The following PARD3 variants were observed in gnomAD, a reference collection of about 807,000 sequenced individuals.
The protein encoded by PARD3 is par-3 family cell polarity regulator.
A neutral mutation model predicts 155.4 loss-of-function variants in PARD3; 75 were observed. The observed-to-expected ratio is 0.48, with a 90% CI of 0.40 to 0.58. PARD3 has a LOEUF of 0.58. PARD3 is among the 20% of genes least tolerant of loss of function. The pLI is 0.00. For missense variants in PARD3, 1,642 were observed against 1,721.7 expected (o/e 0.95, Z 0.82); for synonymous variants, 576 against 610.5 (o/e 0.94, Z 0.83).
At chr10:34,790,250 A>C (rs1217640862) in intron 1 of PARD3, among the ~76,000 whole-genome samples, 1 of 152,252 alleles carries the variant, frequency 6.6e-6, no homozygotes, top group African/African-American at 2.4e-5. Context: ...TTTAAATAAA[A>C]CACGCTCACA....
chr10:34,774,552 G>A (rs980196012), intron 1 of PARD3, among the ~76,000 whole-genome samples: 10 of 152,148 alleles, frequency 6.6e-5, no homozygotes, highest in Admixed American at 3.3e-4. Flanking sequence ...TTATTTTTAA[G>A]CAAACATTGA....
Position 34,317,157 on chromosome 10 carries a change from A to T in PARD3, c.3015T>A (p.Asp1005Glu), listed in dbSNP as rs775817938. The T allele has an allele frequency of 8.8e-6, 14 of 1,591,264 alleles. No individual in the cohort carries two copies. Among genetic ancestry groups the T allele is most frequent in the South Asian group, 8.0e-5 (7 of 87,986 alleles). ...EKKKDRDKEK[D>E]KMKAKKGMLK... Reference sequence around the variant, plus strand: ...GCATTCCCTTCTTGGCTTTCATTTTATCCTTCTCCTTATCTCTATCTTTCT... The same window carrying T: ...GCATTCCCTTCTTGGCTTTCATTTTTTCCTTCTCCTTATCTCTATCTTTCT... Residue 1005 changes from aspartate to glutamate, a missense_variant, in exon 20 of 25, where the codon GAT (aspartate) becomes GAA (glutamate). Asp to Glu is a conservative substitution (Grantham distance 45, BLOSUM62 2). Coordinates refer to ENST00000374788, the MANE Select transcript of PARD3 (RefSeq NM_001184785.2).
intron 21 of PARD3, among the ~76,000 whole-genome samples, chr10:34,273,622 C>G (rs548303245): frequency 5.3e-5 from 8 of 152,304 alleles, no homozygotes; most frequent in African/African-American, 1.7e-4. Context: ...TGCTGTACTA[C>G]AGTTATCTAA....
chr10:34,314,846 T>C (rs1327333137), intron 20 of PARD3, among the ~76,000 whole-genome samples: 1 of 152,232 alleles, frequency 6.6e-6, no homozygotes, highest in Non-Finnish European at 1.5e-5. Context: ...TTTTAGATAA[T>C]GTATTTAATT....
intron 7 of PARD3, among the ~76,000 whole-genome samples, chr10:34,386,630 C>G (rs752841067): frequency 1.3e-5 from 2 of 152,034 alleles, no homozygotes; most frequent in Non-Finnish European, 2.9e-5. Context: ...CAATACCAGA[C>G]TGACCAATAT....
chr10:34,506,690 T>G (rs1403757822), intron 3 of PARD3, among the ~76,000 whole-genome samples: 3 of 152,194 alleles, frequency 2.0e-5, no homozygotes, highest in African/African-American at 7.2e-5. Context: ...ATATTACTTA[T>G]GTCTCTAGGT....
chr10:34,136,150 C>A, intron 22 of PARD3, among the ~76,000 whole-genome samples: 1 of 152,320 alleles, frequency 6.6e-6, no homozygotes, highest in Middle Eastern at 3.4e-3. Context: ...TATTTACTTT[C>A]ATTGCACCAA....
At chr10:34,646,463 A>G (rs1214944241) in intron 2 of PARD3, among the ~76,000 whole-genome samples, 4 of 152,208 alleles carry the variant, frequency 2.6e-5, no homozygotes, top group Non-Finnish European at 5.9e-5. Flanking sequence ...GCAATGCTAT[A>G]AAGTGTTATT....
At chr10:34,640,053 C>G (rs1250786424) in intron 2 of PARD3, among the ~76,000 whole-genome samples, 1 of 152,176 alleles carries the variant, frequency 6.6e-6, no homozygotes, top group Non-Finnish European at 1.5e-5. Context: ...ATATTCAGAA[C>G]AGAAGAAAAT....
chr10:34,644,358 A>T (rs997183582), intron 2 of PARD3, among the ~76,000 whole-genome samples: 1 of 152,198 alleles, frequency 6.6e-6, no homozygotes, highest in African/African-American at 2.4e-5. Context: ...GCTTCATACA[A>T]GCAGCAGCTA....
intron 5 of PARD3, among the ~76,000 whole-genome samples, chr10:34,441,962 G>A (rs1371062412): frequency 6.6e-6 from 1 of 152,046 alleles, no homozygotes; most frequent in Non-Finnish European, 1.5e-5. Context: ...TAAAATAGAA[G>A]TTCTGGTATT....
intron 20 of PARD3, among the ~76,000 whole-genome samples, chr10:34,310,633 G>T (rs1407708733): frequency 6.6e-6 from 1 of 152,190 alleles, no homozygotes; most frequent in Non-Finnish European, 1.5e-5. Flanking sequence ...GATGTCAGAG[G>T]TTCTCTATTT....
At chr10:34,322,127 C>T (rs1486443789) in intron 19 of PARD3, among the ~76,000 whole-genome samples, 1 of 152,192 alleles carries the variant, frequency 6.6e-6, no homozygotes, top group African/African-American at 2.4e-5. Context: ...TGCCATACCC[C>T]TGCAGACTTG....
chr10:34,227,881 T>TATATATATATAC (rs1199483392), intron 22 of PARD3, among the ~76,000 whole-genome samples: 5 of 133,734 alleles, frequency 3.7e-5, no homozygotes, highest in African/African-American at 8.8e-5. Flanking sequence ...TATATATATA[T>TATATATATATAC]ATACTGGGAA....
intron 2 of PARD3, among the ~76,000 whole-genome samples, chr10:34,619,828 T>C (rs949439761): frequency 6.6e-6 from 1 of 152,218 alleles, no homozygotes; most frequent in African/African-American, 2.4e-5. Flanking sequence ...ACCTCAATGT[T>C]TGAGAGCTCT....
chr10:34,155,622 G>GT (rs1220832684), intron 22 of PARD3, among the ~76,000 whole-genome samples: 2 of 149,474 alleles, frequency 1.3e-5, no homozygotes, highest in African/African-American at 2.5e-5. Context: ...GCTTTTCACA[G>GT]CTTTTTTTTC....
intron 20 of PARD3, among the ~76,000 whole-genome samples, chr10:34,308,062 C>A (rs1311711254): frequency 6.6e-6 from 1 of 152,064 alleles, no homozygotes; most frequent in Non-Finnish European, 1.5e-5. Flanking sequence ...AAAGGCTATT[C>A]CAGGTAGAGG....
chr10:34,399,440 C>A (rs780625607), intron 6 of PARD3, 27 bp from the exon 7 acceptor site: 2 of 1,463,420 alleles, frequency 1.4e-6, no homozygotes, highest in South Asian at 2.3e-5. Context: ...AATGAGGGAG[C>A]ATGAACGTGT....
intron 1 of PARD3, among the ~76,000 whole-genome samples, chr10:34,726,788 G>A (rs1248099233): frequency 6.6e-6 from 1 of 151,866 alleles, no homozygotes; most frequent in African/African-American, 2.4e-5. Flanking sequence ...GGGGAGGCGG[G>A]AGCGGGGGTC....
Sources: gnomAD v4.1 joint callset for allele counts (sites outside exome capture counted in the v4.1 genomes callset) on GRCh38, gnomAD v4.1.1 for gene constraint, MANE v1.5 for transcripts, NCBI Gene and HGNC (gene_info 2026-07-23, HGNC 2026-07-21) for gene names.